EHBP1: variants seen among roughly 807,000 people sequenced by gnomAD.
The protein encoded by EHBP1 is EH domain binding protein 1.
EHBP1 carries 55 observed loss-of-function variants against 144.0 expected under a neutral mutation model. The ratio of observed to expected loss-of-function variants is 0.38; its 90% CI spans 0.31 to 0.48. The LOEUF (loss-of-function observed/expected upper bound fraction) is 0.48, where lower values mean the gene tolerates loss of function less well. Ranked by LOEUF, EHBP1 falls within the 20% of genes least tolerant of loss-of-function variation. EHBP1 has a pLI of 0.98. For missense variants in EHBP1, 1,200 were observed against 1,364.2 expected, an observed-to-expected ratio of 0.88 and a Z score of 1.90; for synonymous variants, 469 against 472.7, an observed-to-expected ratio of 0.99 and a Z score of 0.10.
intron 2 of EHBP1, among the ~76,000 whole-genome samples, chr2:62,717,280 A>G (rs1012458098): frequency 2.0e-5 from 3 of 152,232 alleles, no homozygotes; most frequent in African/African-American, 7.2e-5. Flanking sequence ...TGCAATTAAA[A>G]TGCCCAGGGA....
intron 7 of EHBP1, among the ~76,000 whole-genome samples, chr2:62,838,397 C>G (rs1454836711): frequency 5.0e-4 from 76 of 150,650 alleles, no homozygotes; most frequent in African/African-American, 1.7e-3. Flanking sequence ...AGGAAAGATC[C>G]AAAATTGACA....
intron 10 of EHBP1, among the ~76,000 whole-genome samples, chr2:62,929,169 A>G (rs1244588223): frequency 6.6e-6 from 1 of 152,222 alleles, no homozygotes; most frequent in Non-Finnish European, 1.5e-5. Context: ...AAGAAGAACC[A>G]ACACTAATTC....
At chr2:62,771,640 T>A in intron 5 of EHBP1, 1 of 199,512 alleles carries the variant, frequency 5.0e-6, no homozygotes, top group Admixed American at 5.9e-5. Flanking sequence ...CGTGTGTATA[T>A]GTGTATTATA....
chr2:62,751,596 T>C (rs2039727820), intron 3 of EHBP1, among the ~76,000 whole-genome samples: 1 of 152,236 alleles, frequency 6.6e-6, no homozygotes. Context: ...AGAATTCGGC[T>C]GTGAATCCAT....
At chr2:62,858,537 T>C (rs771994212) in intron 7 of EHBP1, 1 of 1,450,470 alleles carries the variant, frequency 6.9e-7, no homozygotes. Flanking sequence ...CCTTTCTTTC[T>C]GCTTCTGATT....
Position 62,749,737 on chromosome 2 carries a change from T to A in EHBP1, c.162+2285T>A, listed in dbSNP as rs572107440. Among the ~76,000 whole-genome samples the A allele has an allele frequency of 1.3e-5, 2 of 152,348 alleles. 1 individual carries two copies. The highest frequency in any genetic ancestry group is 4.1e-4 in the South Asian group (2 of 4,826). On this transcript the variant is annotated intron_variant, in intron 3 of 22. Transcript: ENST00000431489. Reference sequence around the variant, plus strand: ...TTTGCATTTCTCTGATGGCCAGTGATGATGAGCATTTTTTCATGTGTCTTT... The same window carrying A: ...TTTGCATTTCTCTGATGGCCAGTGAAGATGAGCATTTTTTCATGTGTCTTT...
At position 62,948,186 on chromosome 2, in the gene EHBP1, A is replaced by G. The variant is rs551446199; in HGVS notation, c.1414-74A>G. The G allele has an allele frequency of 1.7e-5, 23 of 1,356,608 alleles. No individual in the cohort carries two copies. In the South Asian group the frequency reaches 4.2e-4, roughly 24 times the overall value. 84.0% of individuals were successfully genotyped at this position (1,356,608 alleles called of 1,614,324 possible). A position where few individuals can be genotyped will look rare whatever the true frequency, so the allele number is the denominator to read the frequency against. Reference sequence around the variant, plus strand: ...ACATGTACCCAAACAACAAAAATTAAAAATGTGCTCTTTTTAAAATGTGTG... The same window carrying G: ...ACATGTACCCAAACAACAAAAATTAGAAATGTGCTCTTTTTAAAATGTGTG... On this transcript the variant is annotated intron_variant, in intron 12 of 22. Coordinates refer to ENST00000431489, the MANE Select transcript of EHBP1 (RefSeq NM_001142616.3).
At chr2:62,975,840 G>T (rs900236915) in intron 14 of EHBP1, among the ~76,000 whole-genome samples, 1 of 150,762 alleles carries the variant, frequency 6.6e-6, no homozygotes. Context: ...GCTGCGGTGA[G>T]CTGTGATTGC....
At chr2:63,015,754 CTT>C (rs1307221135) in intron 19 of EHBP1, among the ~76,000 whole-genome samples, 4 of 151,970 alleles carry the variant, frequency 2.6e-5, no homozygotes, top group African/African-American at 7.3e-5. Flanking sequence ...TGAGATATCT[CTT>C]TTGGCATTTT....
At chr2:62,869,366 A>G (rs1490303143) in intron 9 of EHBP1, among the ~76,000 whole-genome samples, 1 of 152,210 alleles carries the variant, frequency 6.6e-6, no homozygotes, top group Non-Finnish European at 1.5e-5. Flanking sequence ...TTTATTGATT[A>G]TAATAACAAA....
intron 1 of EHBP1, among the ~76,000 whole-genome samples, chr2:62,678,387 C>G (rs1311015718): frequency 1.3e-5 from 2 of 152,104 alleles, no homozygotes; most frequent in Non-Finnish European, 2.9e-5. Flanking sequence ...TTATTAATCC[C>G]TTGTCAGATG....
intron 5 of EHBP1, among the ~76,000 whole-genome samples, chr2:62,788,575 T>A (rs1488604229): frequency 1.3e-5 from 2 of 152,200 alleles, no homozygotes; most frequent in African/African-American, 4.8e-5. Context: ...TTTAACTATA[T>A]ATTTTTCCTT....
At chr2:62,828,747 T>A (rs1288376354) in intron 6 of EHBP1, among the ~76,000 whole-genome samples, 1 of 152,210 alleles carries the variant, frequency 6.6e-6, no homozygotes, top group African/African-American at 2.4e-5. Context: ...AAACTCTAGA[T>A]CTTATCTGAT....
intron 5 of EHBP1, among the ~76,000 whole-genome samples, chr2:62,791,105 C>T (rs1485770151): frequency 6.6e-6 from 1 of 151,926 alleles, no homozygotes; most frequent in African/African-American, 2.4e-5. Context: ...GTAACTAGCC[C>T]AAAGTCATAT....
At chr2:63,019,847 G>GGAAGGAAT (rs2060641414) in intron 19 of EHBP1, among the ~76,000 whole-genome samples, 1 of 105,840 alleles carries the variant, frequency 9.4e-6, no homozygotes, top group Non-Finnish European at 2.2e-5. Flanking sequence ...AAGGAAGGAA[G>GGAAGGAAT]GAAGGAAGGA....
intron 14 of EHBP1, among the ~76,000 whole-genome samples, chr2:62,976,822 G>T (rs2058738103): frequency 6.6e-6 from 1 of 151,988 alleles, no homozygotes; most frequent in Non-Finnish European, 1.5e-5. Flanking sequence ...GTATGTCTTA[G>T]CACAGACTTT....
At chr2:62,719,122 C>A (rs543039318) in intron 2 of EHBP1, among the ~76,000 whole-genome samples, 1 of 151,628 alleles carries the variant, frequency 6.6e-6, no homozygotes, top group Admixed American at 6.6e-5. Flanking sequence ...TGTGTCACCA[C>A]GCCCGGCTAA....
chr2:62,955,478 T>G, intron 13 of EHBP1, 39 bp from the exon 14 acceptor site: 2 of 1,569,966 alleles, frequency 1.3e-6, no homozygotes, highest in Non-Finnish European at 1.7e-6. Flanking sequence ...GATTACCCGT[T>G]TTTTTTTTGG....
chr2:62,874,360 A>T lies in EHBP1; in HGVS notation c.1013A>T (p.Tyr338Phe). ...CTTTCACTTAGATCAAATCCTTTTT[A>T]TGAACCTAAATCAACTCCTCCTCCA... ...EEELDESNPFYEPKSTPPPNN... is the reference protein window; with the variant it reads ...EEELDESNPFFEPKSTPPPNN... The change falls in exon 10 of 23, where the codon TAT becomes TTT. Residue 338 changes from tyrosine (Y) to phenylalanine (F), a missense_variant. By Grantham distance (22) the Tyr-to-Phe change is conservative. Coordinates refer to ENST00000431489, the MANE Select transcript of EHBP1 (RefSeq NM_001142616.3). The T allele has an allele frequency of 1.3e-6, 2 of 1,589,966 alleles. No homozygotes were observed. Among genetic ancestry groups the T allele is most frequent in the South Asian group, 2.3e-5 (2 of 85,906 alleles).
Sources: gnomAD v4.1 joint callset for allele counts (sites outside exome capture counted in the v4.1 genomes callset) on GRCh38, gnomAD v4.1.1 for gene constraint, MANE v1.5 for transcripts, NCBI Gene and HGNC (gene_info 2026-07-23, HGNC 2026-07-21) for gene names.